Variants in BPTF observed in about 807,000 individuals in gnomAD.
The protein encoded by BPTF is bromodomain PHD finger transcription factor, also known as nucleosome-remodeling factor subunit BPTF.
Under a neutral mutation model 292.5 loss-of-function variants are expected in BPTF, and 18 were observed. The observed-to-expected ratio is 0.06, with a 90% CI of 0.04 to 0.09. The LOEUF (loss-of-function observed/expected upper bound fraction) is 0.09, where lower values mean the gene tolerates loss of function less well. Among genes scored for constraint, BPTF ranks in the 10% least tolerant of loss-of-function variants. The pLI, the probability that BPTF is intolerant of heterozygous loss-of-function variation, is 1.00. For synonymous variants in BPTF, 1,225 were observed against 1,251.9 expected, an observed-to-expected ratio of 0.98 and a Z score of 0.45; for missense variants, 2,726 against 3,498.7, an observed-to-expected ratio of 0.78 and a Z score of 5.57.
At chr17:67,835,704 C>T (rs1414385602) in intron 1 of BPTF, among the ~76,000 whole-genome samples, 2 of 146,670 alleles carry the variant, frequency 1.4e-5, no homozygotes, top group African/African-American at 2.6e-5. Context: ...CTCGCTCTGT[C>T]GCCCAGGCTG....
chr17:67,946,193 C>T lies in BPTF; in HGVS notation c.7485C>T (p.Ala2495=), dbSNP rs1256555804. 1 of 1,614,088 alleles carries T rather than the reference C, an allele frequency of 6.2e-7. No individual in the cohort carries two copies. The highest frequency in any genetic ancestry group is 2.2e-5 in the East Asian group (1 of 44,904). Residue 2495 remains alanine (A), a synonymous_variant, in exon 21 of 28, where the codon GCC becomes GCT. Coordinates refer to ENST00000306378, the MANE Select transcript of BPTF (RefSeq NM_182641.4). ...QIQNVVTVQA[A]SVQEQLQRVQ... The stretch of plus-strand genomic sequence containing the variant: ...AGAATGTGGTTACAGTGCAGGCAGC[C>T]AGTGTGCAAGAGCAGTTGCAAAGGG...
intron 8 of BPTF, 64 bp from the exon 9 acceptor site, chr17:67,904,638 C>A (rs757950224): frequency 1.4e-5 from 18 of 1,243,234 alleles, no homozygotes; most frequent in Non-Finnish European, 1.9e-5. Context: ...ATGCATAAAA[C>A]CACATGTGGT....
At chr17:67,972,362 A>C (rs2068859165) in intron 26 of BPTF, among the ~76,000 whole-genome samples, 1 of 152,002 alleles carries the variant, frequency 6.6e-6, no homozygotes, top group Non-Finnish European at 1.5e-5. Flanking sequence ...CAGCCTCCCA[A>C]GTAGCTGGGA....
intron 23 of BPTF, among the ~76,000 whole-genome samples, chr17:67,950,435 A>G (rs567351038): frequency 6.6e-6 from 1 of 152,300 alleles, no homozygotes; most frequent in South Asian, 2.1e-4. Flanking sequence ...TCTGGCAAAT[A>G]TGTTAAGCCA....
At chr17:67,870,276 T>TC (rs2059642233) in intron 3 of BPTF, among the ~76,000 whole-genome samples, 1 of 150,808 alleles carries the variant, frequency 6.6e-6, no homozygotes, top group Non-Finnish European at 1.5e-5. Flanking sequence ...TTTTTTTTTT[T>TC]CGGCTAAGGT....
intron 20 of BPTF, among the ~76,000 whole-genome samples, chr17:67,945,110 A>G (rs181806660): frequency 6.6e-6 from 1 of 152,300 alleles, no homozygotes; most frequent in African/African-American, 2.4e-5. Flanking sequence ...ATTACTGCTT[A>G]CTGTAGCCTT....
At chr17:67,863,637 C>T (rs2059219412) in intron 2 of BPTF, among the ~76,000 whole-genome samples, 1 of 152,172 alleles carries the variant, frequency 6.6e-6, no homozygotes, top group Non-Finnish European at 1.5e-5. Context: ...CTAAGGATAC[C>T]AGTCATTTGA....
At chr17:67,938,171 A>G (rs1033041972) in intron 18 of BPTF, among the ~76,000 whole-genome samples, 1 of 152,240 alleles carries the variant, frequency 6.6e-6, no homozygotes, top group Non-Finnish European at 1.5e-5. Context: ...ATAAATTGAT[A>G]TATACCTATT....
Position 67,903,875 on chromosome 17 carries a change from A to G in BPTF, c.2630A>G (p.Gln877Arg). ...EKKQEEEETM[Q>R]QATWVKYTFP... ...AAACAGGAAGAAGAAGAAACGATGCAGCAAGCGACATGGGTAAAATACACA... is the reference window on the plus strand; with the variant it reads ...AAACAGGAAGAAGAAGAAACGATGCGGCAAGCGACATGGGTAAAATACACA... The change falls in exon 8 of 28, where the codon CAG becomes CGG. Residue 877 changes from glutamine (Q) to arginine (R), a missense_variant. Physicochemically the swap from Gln to Arg is conservative, Grantham distance 43. This residue lies in a region of BPTF where 99 missense variants were observed against 227.1 expected (regional missense o/e 0.44). Coordinates refer to ENST00000306378, the MANE Select transcript of BPTF (RefSeq NM_182641.4). 1 of 1,593,552 alleles carries G rather than the reference A, an allele frequency of 6.3e-7. No homozygotes were observed. Among genetic ancestry groups the G allele is most frequent in the Non-Finnish European group, 8.5e-7 (1 of 1,174,672 alleles).
chr17:67,901,482 CAA>C (rs1255670473), intron 7 of BPTF, among the ~76,000 whole-genome samples: 3 of 152,072 alleles, frequency 2.0e-5, no homozygotes, highest in Non-Finnish European at 4.4e-5. Context: ...TTATTGTAAT[CAA>C]AGTCAAAAGA....
chr17:67,920,891 A>T (rs887366422), intron 13 of BPTF, among the ~76,000 whole-genome samples: 9 of 152,092 alleles, frequency 5.9e-5, no homozygotes, highest in African/African-American at 1.9e-4. Context: ...CAATAAAAAT[A>T]TTTAGGAAAA....
intron 10 of BPTF, among the ~76,000 whole-genome samples, 195 bp from the exon 11 acceptor site, chr17:67,910,682 C>A (rs1274568370): frequency 6.6e-6 from 1 of 152,004 alleles, no homozygotes; most frequent in Non-Finnish European, 1.5e-5. Flanking sequence ...TGCCTATAAT[C>A]CCAGCTACTT....
chr17:67,899,953 C>G (rs554932830), intron 7 of BPTF, among the ~76,000 whole-genome samples: 1 of 152,154 alleles, frequency 6.6e-6, no homozygotes, highest in South Asian at 2.1e-4. Context: ...GTTGGACACA[C>G]AAGCATCTGA....
At chr17:67,967,112 TAAATA>T (rs1361502948) in intron 26 of BPTF, among the ~76,000 whole-genome samples, 25 of 144,238 alleles carry the variant, frequency 1.7e-4, no homozygotes, top group African/African-American at 6.3e-4. Flanking sequence ...AATAAATAAA[TAAATA>T]AAATAAAGTT....
chr17:67,918,216 G>A (rs1168723947), intron 11 of BPTF, among the ~76,000 whole-genome samples: 5 of 152,190 alleles, frequency 3.3e-5, no homozygotes, highest in South Asian at 2.1e-4. Context: ...GATTACAGGC[G>A]TGAGCCACCG....
chr17:67,940,429 G>C lies in BPTF; in HGVS notation c.6260-10G>C. On this transcript the variant is annotated splice_polypyrimidine_tract_variant and intron_variant, in intron 18 of 27. Coordinates refer to ENST00000306378, the MANE Select transcript of BPTF (RefSeq NM_182641.4). ...GTATAAGCATTCATAATGTTTTGCT[G>C]TTTGGGTAGGTGCTCCTCAGCAAGT... 1 of 1,613,340 alleles carries C rather than the reference G, an allele frequency of 6.2e-7. No homozygotes were observed. Among genetic ancestry groups the C allele is most frequent in the South Asian group, 1.1e-5 (1 of 90,956 alleles).
At chr17:67,856,520 T>A (rs1333094505) in intron 2 of BPTF, among the ~76,000 whole-genome samples, 2 of 152,232 alleles carry the variant, frequency 1.3e-5, no homozygotes, top group East Asian at 3.8e-4. Context: ...AACATTGTGG[T>A]ACTATGTAGC....
intron 20 of BPTF, among the ~76,000 whole-genome samples, chr17:67,945,017 C>G (rs2065691647): frequency 6.6e-6 from 1 of 152,082 alleles, no homozygotes. Context: ...TACCAAAATA[C>G]AAAATTCTCA....
intron 27 of BPTF, chr17:67,981,778 C>T (rs2070387289): frequency 2.1e-6 from 2 of 955,300 alleles, no homozygotes; most frequent in African/African-American, 3.6e-5. Flanking sequence ...ACTTTCTGGA[C>T]TTTAATAGAA....
Sources: gnomAD v4.1 joint callset for allele counts (sites outside exome capture counted in the v4.1 genomes callset) on GRCh38, gnomAD v4.1.1 for gene constraint, gnomAD v4.1.1 regional missense constraint, MANE v1.5 for transcripts, NCBI Gene and HGNC (gene_info 2026-07-23, HGNC 2026-07-21) for gene names.